Variants in MRNIP observed in about 807,000 individuals in gnomAD.
MRNIP encodes the protein MRN complex-interacting protein.
MRNIP carries 30 observed loss-of-function variants against 29.8 expected under a neutral mutation model. That is an observed-to-expected ratio of 1.01 (90% CI 0.75 to 1.36). MRNIP has a LOEUF of 1.36. Among genes scored for constraint, MRNIP ranks in the 40% most tolerant of loss-of-function variants. The pLI is 0.00. For missense variants in MRNIP, 459 were observed against 423.5 expected, an observed-to-expected ratio of 1.08 and a Z score of -0.74; for synonymous variants, 201 against 164.1, an observed-to-expected ratio of 1.23 and a Z score of -1.72.
chr5:179,841,991 C>A lies in MRNIP; in HGVS notation c.365G>T (p.Gly122Val), dbSNP rs1453258175. 6.2e-7 allele frequency: 1 copy of A among 1,614,134 alleles called. No homozygotes were observed. The highest frequency in any genetic ancestry group is 1.7e-5 in the Admixed American group (1 of 60,018). ...CTGTTTGCTGAAACACACTCCTGTT[C>A]CTTCCAGCTCCAGTTCTTGGGAGTC... ...EKDSQELELE[G>V]TGVCFSKQPS... Residue 122 changes from glycine (G) to valine (V), a missense_variant, in exon 5 of 7, where the codon GGA becomes GTA. Coordinates refer to ENST00000292586, the MANE Select transcript of MRNIP (RefSeq NM_016175.4).
chr5:179,843,053 GGA>G (rs1491337406), intron 4 of MRNIP, among the ~76,000 whole-genome samples: 10 of 111,052 alleles, frequency 9.0e-5, no homozygotes, highest in Non-Finnish European at 1.5e-4. Context: ...AAGGAAGGAA[GGA>G]AGGAAGGGAG....
At chr5:179,845,640 C>T (rs929796842) in intron 3 of MRNIP, among the ~76,000 whole-genome samples, 1 of 151,378 alleles carries the variant, frequency 6.6e-6, no homozygotes, top group African/African-American at 2.4e-5. Flanking sequence ...GGATTACAGG[C>T]ATGTGCCACC....
intron 2 of MRNIP, among the ~76,000 whole-genome samples, chr5:179,848,824 G>T (rs982915824): frequency 4.6e-5 from 7 of 152,240 alleles, no homozygotes; most frequent in African/African-American, 7.2e-5. Flanking sequence ...GCTGTCTAGG[G>T]GAAGAACATT....
chr5:179,838,830 A>G (rs1432235025), intron 6 of MRNIP: 2 of 151,906 alleles, frequency 1.3e-5, no homozygotes, highest in African/African-American at 2.4e-5. Context: ...AAATTAGCCA[A>G]CTGTGGTGGT....
intron 2 of MRNIP, 73 bp from the exon 3 acceptor site, chr5:179,848,139 C>T: frequency 2.6e-6 from 3 of 1,140,362 alleles, no homozygotes; most frequent in East Asian, 2.4e-5. Context: ...ATTTGAGATG[C>T]ACCTCAGGGA....
intron 3 of MRNIP, among the ~76,000 whole-genome samples, chr5:179,846,790 C>G (rs1390939431): frequency 6.6e-6 from 1 of 152,146 alleles, no homozygotes; most frequent in African/African-American, 2.4e-5. Flanking sequence ...TTGCCAAGGT[C>G]AATACAGGCA....
intron 6 of MRNIP, chr5:179,839,400 A>G (rs1305978264): frequency 6.6e-6 from 1 of 152,268 alleles, no homozygotes; most frequent in Non-Finnish European, 1.5e-5. Flanking sequence ...TGGCTTTGCC[A>G]CTGAACTTGC....
chr5:179,851,420 A>AGTC, intron 2 of MRNIP: 1 of 456,054 alleles, frequency 2.2e-6, no homozygotes, highest in South Asian at 1.5e-5. Flanking sequence ...ATCTGACTGA[A>AGTC]CAGTCTGGGG....
chr5:179,839,378 G>T (rs930356031), intron 6 of MRNIP: 1 of 152,230 alleles, frequency 6.6e-6, no homozygotes, highest in Admixed American at 6.5e-5. Flanking sequence ...CTGCGGCCCT[G>T]AAACTTGACG....
At position 179,847,935 on chromosome 5, in the gene MRNIP, G is replaced by A. The variant is rs189776628; in HGVS notation, c.215+43C>T. 2.7e-4 allele frequency: 372 copies of A among 1,378,414 alleles called. 5 individuals carry two copies. Among genetic ancestry groups the A allele is most frequent in the Admixed American group, 2.2e-3 (125 of 55,888 alleles). The allele number at this position is 1,378,414 out of a possible 1,614,324, so 85.4% of individuals were successfully genotyped here. A position where few individuals can be genotyped will look rare whatever the true frequency, so the allele number is the denominator to read the frequency against. Reference sequence around the variant, plus strand: ...TGTACTTCTATTATCCAGTCAAGACGAAAACAGGGCAAGACAACCACGCTC... The same window carrying A: ...TGTACTTCTATTATCCAGTCAAGACAAAAACAGGGCAAGACAACCACGCTC... On this transcript the variant is annotated intron_variant, in intron 3 of 6. Transcript: ENST00000292586.
In MRNIP at chr5:179,851,171, C is replaced by T. The variant is rs150992432; in HGVS notation, c.126+2207G>A. 8.5e-4 allele frequency: 387 copies of T among 452,642 alleles called. 1 individual carries two copies. The highest frequency in any genetic ancestry group is 7.3e-3 in the African/African-American group (364 of 50,110). The allele number at this position is 452,642 out of a possible 1,614,324, so 28.0% of individuals were successfully genotyped here. A position where few individuals can be genotyped will look rare whatever the true frequency, so the allele number is the denominator to read the frequency against. On this transcript the variant is annotated intron_variant, in intron 2 of 6. Coordinates refer to ENST00000292586, the MANE Select transcript of MRNIP (RefSeq NM_016175.4). ...AGAGGCATTGAGGGGAGTAAGAAGG[C>T]TTCCTCAAGGAGAATGTAGAAATAT...
At chr5:179,852,538 C>T (rs553228148) in intron 2 of MRNIP, among the ~76,000 whole-genome samples, 1 of 152,256 alleles carries the variant, frequency 6.6e-6, no homozygotes, top group Non-Finnish European at 1.5e-5. Flanking sequence ...TCTGTTCTCA[C>T]GGAACTTACA....
intron 2 of MRNIP, 77 bp downstream of exon 2, chr5:179,853,301 C>CTG (rs774266403): frequency 9.3e-6 from 15 of 1,605,024 alleles, no homozygotes; most frequent in Non-Finnish European, 1.3e-5. Context: ...ATGATCCCAG[C>CTG]TGTGGCATGC....
intron 4 of MRNIP, among the ~76,000 whole-genome samples, chr5:179,842,521 A>C (rs1165761153): frequency 2.7e-5 from 4 of 150,126 alleles, no homozygotes; most frequent in Admixed American, 1.3e-4. Context: ...TCTACTAAAA[A>C]AAAAACAACA....
At chr5:179,842,578 T>TAAC (rs1582041586) in intron 4 of MRNIP, among the ~76,000 whole-genome samples, 1 of 148,448 alleles carries the variant, frequency 6.7e-6, no homozygotes, top group African/African-American at 2.5e-5. Context: ...CAGGCACCTG[T>TAAC]AGTCCCAGCT....
At chr5:179,847,797 A>T in intron 3 of MRNIP, 181 bp downstream of exon 3, 1 of 563,158 alleles carries the variant, frequency 1.8e-6, no homozygotes, top group African/African-American at 1.9e-5. Flanking sequence ...CAGTATTCTA[A>T]ACATCCCCGG....
rs1025535473 is a variant in MRNIP at position 179,851,504 on chromosome 5, C to T, written c.126+1874G>A. ...GAAGCTGGGTGATGGGCAGGAAAAGCTGATGTCTGGCTTGTTGGCAGCTTT... is the reference window on the plus strand; with the variant it reads ...GAAGCTGGGTGATGGGCAGGAAAAGTTGATGTCTGGCTTGTTGGCAGCTTT... On this transcript the variant is annotated intron_variant, in intron 2 of 6. Coordinates refer to ENST00000292586, the MANE Select transcript of MRNIP (RefSeq NM_016175.4). 1.8e-5 allele frequency: 8 copies of T among 444,928 alleles called. No individual in the cohort carries two copies. The Admixed American group carries it at 1.9e-4, about 11-fold the overall frequency. The allele number at this position is 444,928 out of a possible 1,614,324, so 27.6% of individuals were successfully genotyped here. A position where few individuals can be genotyped will look rare whatever the true frequency, so the allele number is the denominator to read the frequency against.
chr5:179,852,373 GA>G (rs1157492086), intron 2 of MRNIP, among the ~76,000 whole-genome samples: 1 of 152,058 alleles, frequency 6.6e-6, no homozygotes, highest in African/African-American at 2.4e-5. Flanking sequence ...CGTGGATAAA[GA>G]GGTTTTTGTG....
At chr5:179,856,935 T>C (rs1759607290) in intron 1 of MRNIP, among the ~76,000 whole-genome samples, 1 of 151,792 alleles carries the variant, frequency 6.6e-6, no homozygotes, top group Admixed American at 6.6e-5. Flanking sequence ...ACAAAAAATA[T>C]AAAAATTAGC....
Sources: gnomAD v4.1 joint callset for allele counts (sites outside exome capture counted in the v4.1 genomes callset) on GRCh38, gnomAD v4.1.1 for gene constraint, MANE v1.5 for transcripts, NCBI Gene and HGNC (gene_info 2026-07-23, HGNC 2026-07-21) for gene names.